TANGO6: variants seen among roughly 807,000 people sequenced by gnomAD.
TANGO6 encodes the protein transport and golgi organization 6 homolog.
Under a neutral mutation model 114.2 loss-of-function variants are expected in TANGO6, and 90 were observed. That is an observed-to-expected ratio of 0.79 (90% CI 0.66 to 0.94). TANGO6 has a LOEUF of 0.94. Among genes scored for constraint, TANGO6 ranks in the 40% least tolerant of loss-of-function variants. The pLI is 0.00. For synonymous variants in TANGO6, 477 were observed against 509.8 expected, an observed-to-expected ratio of 0.94 and a Z score of 0.87; for missense variants, 1,274 against 1,315.3, an observed-to-expected ratio of 0.97 and a Z score of 0.49.
intron 1 of TANGO6, among the ~76,000 whole-genome samples, chr16:68,859,315 C>T (rs1353966983): frequency 6.6e-6 from 1 of 152,150 alleles, no homozygotes; most frequent in Admixed American, 6.5e-5. Context: ...GGACTACAGG[C>T]ACTCACCACC....
intron 16 of TANGO6, chr16:69,035,399 A>C (rs1205038513): frequency 6.6e-6 from 1 of 152,240 alleles, no homozygotes; most frequent in Non-Finnish European, 1.5e-5. Context: ...GCTTTAGGAA[A>C]ATGGATGAAG....
chr16:68,915,492 C>T (rs909948925), intron 11 of TANGO6, among the ~76,000 whole-genome samples: 2 of 152,188 alleles, frequency 1.3e-5, no homozygotes, highest in African/African-American at 4.8e-5. Flanking sequence ...TCTTGAACTC[C>T]TGGCCTAAAG....
intron 17 of TANGO6, among the ~76,000 whole-genome samples, chr16:69,061,158 T>C (rs926088132): frequency 1.3e-5 from 2 of 152,100 alleles, no homozygotes; most frequent in Non-Finnish European, 2.9e-5. Flanking sequence ...GGTTTTTTTG[T>C]TGTTGCAGTT....
chr16:68,994,155 C>T (rs1009118099), intron 15 of TANGO6, among the ~76,000 whole-genome samples: 1 of 152,176 alleles, frequency 6.6e-6, no homozygotes, highest in Non-Finnish European at 1.5e-5. Context: ...TTCAAATTGT[C>T]TATGTTTCTG....
At chr16:68,965,310 C>G (rs1963635210) in intron 14 of TANGO6, among the ~76,000 whole-genome samples, 1 of 152,150 alleles carries the variant, frequency 6.6e-6, no homozygotes, top group Non-Finnish European at 1.5e-5. Context: ...CAGGTACACA[C>G]CACCATGCCT....
intron 14 of TANGO6, among the ~76,000 whole-genome samples, chr16:68,954,395 C>G (rs1297637337): frequency 2.6e-5 from 4 of 151,998 alleles, no homozygotes; most frequent in Admixed American, 2.0e-4. Flanking sequence ...TAAGGAGGGG[C>G]ATGGGTGAGT....
intron 9 of TANGO6, among the ~76,000 whole-genome samples, chr16:68,906,792 C>CTT (rs35841953): frequency 1.1e-4 from 14 of 132,982 alleles, no homozygotes; most frequent in African/African-American, 2.5e-4. Context: ...GTTTCTTCTT[C>CTT]TTTTTTTTTT....
chr16:69,024,460 G>A (rs1959466570), intron 16 of TANGO6, among the ~76,000 whole-genome samples: 1 of 151,080 alleles, frequency 6.6e-6, no homozygotes, highest in African/African-American at 2.4e-5. Context: ...GTAGAGACGG[G>A]GTTTCACCAT....
intron 17 of TANGO6, among the ~76,000 whole-genome samples, chr16:69,052,003 A>G (rs1415453997): frequency 1.5e-5 from 2 of 135,840 alleles, no homozygotes; most frequent in Non-Finnish European, 3.0e-5. Flanking sequence ...GGAGTGGTGC[A>G]GTGCCACCAT....
Position 69,069,017 on chromosome 16 carries a change from A to G in TANGO6, c.3109-14468A>G, listed in dbSNP as rs569027010. Reference sequence around the variant, plus strand: ...CAGGCATGAGCCACCGTACCCAGCCATGTTTTTGGATCTTTAGATACATTA... The same window carrying G: ...CAGGCATGAGCCACCGTACCCAGCCGTGTTTTTGGATCTTTAGATACATTA... On this transcript the variant is annotated intron_variant, in intron 17 of 17. Coordinates refer to ENST00000261778, the MANE Select transcript of TANGO6 (RefSeq NM_024562.2). Among the ~76,000 whole-genome samples the G allele has an allele frequency of 1.8e-4, 27 of 152,236 alleles. 1 individual carries two copies. The South Asian group carries it at 5.6e-3, about 32-fold the overall frequency.
intron 1 of TANGO6, among the ~76,000 whole-genome samples, chr16:68,857,233 T>C (rs1962010221): frequency 1.3e-5 from 2 of 152,198 alleles, no homozygotes; most frequent in African/African-American, 4.8e-5. Context: ...GAATGTCATG[T>C]AGTTGGAATT....
intron 5 of TANGO6, among the ~76,000 whole-genome samples, chr16:68,877,296 C>T (rs1468417837): frequency 1.3e-5 from 2 of 151,808 alleles, no homozygotes; most frequent in Non-Finnish European, 2.9e-5. Flanking sequence ...AGTGAAACCC[C>T]GTCTCTACTA....
Position 69,083,773 on chromosome 16 carries a change from C to A in TANGO6, c.*112C>A. 2 of 1,276,564 alleles carry A rather than the reference C, an allele frequency of 1.6e-6. No homozygotes were observed. The highest frequency in any genetic ancestry group is 2.1e-6 in the Non-Finnish European group (2 of 943,152). 79.1% of individuals were successfully genotyped at this position (1,276,564 alleles called of 1,614,324 possible). On this transcript the variant is annotated 3_prime_UTR_variant, in exon 18 of 18. Coordinates refer to ENST00000261778, the MANE Select transcript of TANGO6 (RefSeq NM_024562.2). ...CTTGAGTGCTGGCAGCATGGCTGAC[C>A]CTCGGGGTGGTTTTATGGTGCAGGT...
At chr16:69,002,969 G>A (rs1964057296) in intron 15 of TANGO6, among the ~76,000 whole-genome samples, 2 of 151,978 alleles carry the variant, frequency 1.3e-5, no homozygotes, top group Non-Finnish European at 2.9e-5. Context: ...TTGAACCCGG[G>A]AGGTAGAGGT....
intron 15 of TANGO6, among the ~76,000 whole-genome samples, chr16:68,984,618 C>T (rs1013816160): frequency 6.6e-6 from 1 of 151,956 alleles, no homozygotes; most frequent in African/African-American, 2.4e-5. Context: ...ACCTCCTGGC[C>T]TCAAGCCATC....
intron 15 of TANGO6, among the ~76,000 whole-genome samples, chr16:69,015,150 G>A (rs186089114): frequency 6.6e-6 from 1 of 152,226 alleles, no homozygotes; most frequent in East Asian, 1.9e-4. Flanking sequence ...TGAAGGCAAG[G>A]TCATAAATCC....
intron 2 of TANGO6, among the ~76,000 whole-genome samples, chr16:68,861,329 T>C (rs1220318965): frequency 6.6e-6 from 1 of 152,208 alleles, no homozygotes; most frequent in Non-Finnish European, 1.5e-5. Flanking sequence ...GGTTTCACAA[T>C]GTTCTCGTTT....
intron 17 of TANGO6, among the ~76,000 whole-genome samples, chr16:69,077,239 A>G (rs1290798717): frequency 6.6e-6 from 1 of 151,360 alleles, no homozygotes; most frequent in Non-Finnish European, 1.5e-5. Context: ...TTTTTTTAGT[A>G]GAGATGAGGT....
At chr16:69,069,339 C>T (rs1235272676) in intron 17 of TANGO6, among the ~76,000 whole-genome samples, 2 of 152,214 alleles carry the variant, frequency 1.3e-5, no homozygotes, top group Non-Finnish European at 2.9e-5. Context: ...ATTCTTGACT[C>T]TCTGCCCCGT....
Sources: gnomAD v4.1 joint callset for allele counts (sites outside exome capture counted in the v4.1 genomes callset) on GRCh38, gnomAD v4.1.1 for gene constraint, MANE v1.5 for transcripts, NCBI Gene and HGNC (gene_info 2026-07-23, HGNC 2026-07-21) for gene names.